Variants in ZMYM6 observed in about 807,000 individuals in gnomAD.
ZMYM6 encodes the protein zinc finger MYM-type protein 6.
A neutral mutation model predicts 134.0 loss-of-function variants in ZMYM6; 90 were observed. The observed-to-expected ratio is 0.67, with a 90% confidence interval of 0.57 to 0.80. ZMYM6 has a LOEUF of 0.80. Ranked by LOEUF, ZMYM6 falls within the 30% of genes least tolerant of loss-of-function variation. ZMYM6 has a pLI of 0.00. For synonymous variants in ZMYM6, 481 were observed against 524.1 expected (o/e 0.92, Z 1.12); for missense variants, 1,362 against 1,533.9 (o/e 0.89, Z 1.87).
At chr1:34,989,338 G>T in intron 15 of ZMYM6, 1 of 706,534 alleles carries the variant, frequency 1.4e-6, no homozygotes, top group Non-Finnish European at 1.7e-6. Context: ...TGGAGTTAGA[G>T]ACCAGCCCGG....
intron 9 of ZMYM6, 44 bp from the exon 10 acceptor site, chr1:35,010,641 C>G: frequency 6.4e-7 from 1 of 1,564,590 alleles, no homozygotes; most frequent in South Asian, 1.2e-5. Flanking sequence ...TAAACAGTTG[C>G]TTTATCTTTA....
Position 35,030,678 on chromosome 1 carries a change from G to T in ZMYM6, c.-39C>A, listed in dbSNP as rs1269366352. ...CTCAAAGAGTGTCTCAGGCTCAAAC[G>T]AATAGATTTCTTCTTGGTAATGGAT... On this transcript the variant is annotated 5_prime_UTR_variant, in exon 2 of 16. Transcript: ENST00000357182. The T allele has an allele frequency of 6.3e-7, 1 of 1,574,900 alleles. No individual in the cohort carries two copies. Among genetic ancestry groups the T allele is most frequent in the Admixed American group, 1.8e-5 (1 of 55,652 alleles).
chr1:35,025,483 A>AG (rs1557589392), intron 2 of ZMYM6, among the ~76,000 whole-genome samples: 1 of 151,000 alleles, frequency 6.6e-6, no homozygotes, highest in African/African-American at 2.4e-5. Context: ...AAAAAAAAAA[A>AG]AAAAAGAAAG....
chr1:35,003,180 CAAAAA>C (rs202093628), intron 14 of ZMYM6, among the ~76,000 whole-genome samples: 5 of 63,056 alleles, frequency 7.9e-5, no homozygotes, highest in African/African-American at 1.4e-4. Flanking sequence ...GACCCTGTCT[CAAAAA>C]AAAAAAAAAA....
intron 1 of ZMYM6, 184 bp downstream of exon 1, chr1:35,031,631 G>C (rs1194662150): frequency 1.3e-5 from 2 of 152,064 alleles, no homozygotes; most frequent in Non-Finnish European, 2.9e-5. Flanking sequence ...GAGGACTAAC[G>C]AGGCAATGTG....
rs1641255165 is a variant in ZMYM6 at position 35,018,982 on chromosome 1, G to GTATA, written c.428+370_428+371insTATA. The GTATA allele has an allele frequency of 1.7e-5, 5 of 290,758 alleles. No individual in the cohort carries two copies. In the East Asian group the frequency reaches 2.5e-4, roughly 15 times the overall value. 18.0% of individuals were successfully genotyped at this position (290,758 alleles called of 1,614,324 possible). ...TTTTTACTTTTTAAAGAATTAAATA[G>GTATA]CTTTTGTATACTATTAAAAGAGTGA... is the stretch of plus-strand genomic sequence containing the variant. On this transcript the variant is annotated intron_variant, in intron 4 of 15. Transcript: ENST00000357182.
Position 34,988,622 on chromosome 1 carries a change from C to T in ZMYM6, c.2460G>A (p.Lys820=), listed in dbSNP as rs1317468415. The change falls in exon 16 of 16, where the codon AAG becomes AAA. Residue 820 remains lysine (K), a synonymous_variant. Coordinates refer to ENST00000357182, the MANE Select transcript of ZMYM6 (RefSeq NM_007167.4). ...CAAGTGACTTTTCAACTAGTAAACA[C>T]TTTTTTAAAGAACTATTTTGACATT... ...EMECQNSSLK[K]CLLVEKSLVK... 2 of 1,548,728 alleles carry T rather than the reference C, an allele frequency of 1.3e-6. No individual in the cohort carries two copies. The highest frequency in any genetic ancestry group is 1.7e-6 in the Non-Finnish European group (2 of 1,146,276).
chr1:35,011,139 T>C (rs1383017193), intron 8 of ZMYM6, 103 bp from the exon 9 acceptor site: 1 of 1,261,336 alleles, frequency 7.9e-7, no homozygotes, highest in Non-Finnish European at 1.1e-6. Context: ...CCACAAACAT[T>C]TTTTAAAATT....
At chr1:34,992,137 A>C (rs1225304525) in intron 15 of ZMYM6, 97 bp downstream of exon 15, 1 of 1,485,220 alleles carries the variant, frequency 6.7e-7, no homozygotes, top group South Asian at 1.1e-5. Flanking sequence ...TTTCACATTT[A>C]AGACTCTGTC....
chr1:35,020,634 G>A (rs927146575), intron 2 of ZMYM6, among the ~76,000 whole-genome samples, 167 bp from the exon 3 acceptor site: 7 of 146,488 alleles, frequency 4.8e-5, no homozygotes, highest in Non-Finnish European at 1.0e-4. Flanking sequence ...GTGCAGTGGC[G>A]CGATCTCAGC....
chr1:34,988,583 A>G lies in ZMYM6; in HGVS notation c.2499T>C (p.Tyr833=). 1 of 1,551,074 alleles carries G rather than the reference A, an allele frequency of 6.4e-7. No homozygotes were observed. The highest frequency in any genetic ancestry group is 8.7e-7 in the Non-Finnish European group (1 of 1,146,892). The change falls in exon 16 of 16, where the codon TAT becomes TAC. Residue 833 remains tyrosine, a synonymous_variant. Transcript: ENST00000357182. The part of the protein sequence containing the change: ...LVEKSLVKAS[Y]LIAFQTAASK... Reference sequence around the variant, plus strand: ...TTGCAGCAGTTTGGAAAGCAATTAAATAAGAAGCTTTCACAAGTGACTTTT... The same window carrying G: ...TTGCAGCAGTTTGGAAAGCAATTAAGTAAGAAGCTTTCACAAGTGACTTTT...
At position 34,987,102 on chromosome 1, in the gene ZMYM6, T is replaced by C. The variant is rs1640589901; in HGVS notation, c.*2A>G. On this transcript the variant is annotated 3_prime_UTR_variant, in exon 16 of 16. Transcript: ENST00000357182. ...CTTCACTGTTAAGCAATGTGCATAT[T>C]GCTACTCTTTCTCCTTCACTAATTT... The C allele has an allele frequency of 6.5e-7, 1 of 1,545,102 alleles. No homozygotes were observed. Among genetic ancestry groups the C allele is most frequent in the Non-Finnish European group, 8.7e-7 (1 of 1,148,246 alleles).
chr1:35,019,783 C>T (rs1641272574), intron 3 of ZMYM6, among the ~76,000 whole-genome samples, 181 bp from the exon 4 acceptor site: 1 of 152,106 alleles, frequency 6.6e-6, no homozygotes, highest in African/African-American at 2.4e-5. Flanking sequence ...ACCAGTCCTC[C>T]CGCCTCAGCC....
Position 35,010,868 on chromosome 1 carries a change from G to A in ZMYM6, c.1231C>T (p.Pro411Ser). The A allele has an allele frequency of 1.2e-6, 2 of 1,614,052 alleles. No homozygotes were observed. The highest frequency in any genetic ancestry group is 1.7e-6 in the Non-Finnish European group (2 of 1,179,968). Residue 411 changes from proline to serine, a missense_variant, in exon 9 of 16, where the codon CCT (proline) becomes TCT (serine). By Grantham distance (74) the Pro-to-Ser change is moderately conservative (BLOSUM62 -1). Around this residue, in one of 3 missense-constraint regions of ZMYM6, gnomAD observed 503 missense variants for 520.8 expected, o/e 0.97. Transcript: ENST00000357182. ...IRGSAAASLQ[P>S]LAEQSQQVAL... ...ACTTGCTGGGATTGTTCAGCAAGAG[G>A]TTGGAGGCTGGCTGCAGCAGAGCCA...
At chr1:34,997,153 G>A (rs2148445687) in intron 14 of ZMYM6, among the ~76,000 whole-genome samples, 1 of 152,304 alleles carries the variant, frequency 6.6e-6, no homozygotes, top group Non-Finnish European at 1.5e-5. Context: ...CCTTAGCAGT[G>A]TTATCCATCG....
intron 4 of ZMYM6, among the ~76,000 whole-genome samples, chr1:35,016,055 C>T (rs992045276): frequency 4.6e-5 from 7 of 151,428 alleles, no homozygotes; most frequent in Admixed American, 1.3e-4. Flanking sequence ...TCAAGCGATC[C>T]TCCTGTCTCA....
intron 14 of ZMYM6, among the ~76,000 whole-genome samples, chr1:34,995,239 A>G (rs954797104): frequency 6.7e-6 from 1 of 148,566 alleles, no homozygotes; most frequent in African/African-American, 2.5e-5. Flanking sequence ...ATACATATGT[A>G]TATATGTATA....
At chr1:35,010,661 T>C in intron 9 of ZMYM6, 64 bp from the exon 10 acceptor site, 1 of 1,552,134 alleles carries the variant, frequency 6.4e-7, no homozygotes, top group Non-Finnish European at 8.6e-7. Flanking sequence ...AAGAACTCCT[T>C]TTCATGTCAA....
chr1:35,011,040 A>T lies in ZMYM6; in HGVS notation c.1063-4T>A, dbSNP rs916884852. The T allele has an allele frequency of 1.2e-6, 2 of 1,609,782 alleles. No homozygotes were observed. Among genetic ancestry groups the T allele is most frequent in the Admixed American group, 3.4e-5 (2 of 59,016 alleles). On this transcript the variant is annotated splice_polypyrimidine_tract_variant and splice_region_variant and intron_variant, in intron 8 of 15. Transcript: ENST00000357182. ...CTTTTGGCTTGCTAAATACATTCTG[A>T]ATGAAAACAAATAAGGTAAAGATTT... is the stretch of plus-strand genomic sequence containing the variant.
Sources: gnomAD v4.1 joint callset for allele counts (sites outside exome capture counted in the v4.1 genomes callset) on GRCh38, gnomAD v4.1.1 for gene constraint, gnomAD v4.1.1 regional missense constraint, MANE v1.5 for transcripts, NCBI Gene and HGNC (gene_info 2026-07-23, HGNC 2026-07-21) for gene names.